Variants in RBPJ observed in about 807,000 individuals in gnomAD.
The protein encoded by RBPJ is recombination signal binding protein for immunoglobulin kappa J region, also known as recombining binding protein suppressor of hairless.
Under a neutral mutation model 67.8 loss-of-function variants are expected in RBPJ, and 9 were observed. The observed-to-expected ratio is 0.13, with a 90% CI of 0.08 to 0.23. RBPJ has a LOEUF of 0.23. RBPJ is among the 10% of genes least tolerant of loss of function. RBPJ has a pLI of 1.00. For missense variants in RBPJ, 305 were observed against 595.6 expected (o/e 0.51, Z 5.08); for synonymous variants, 198 against 203.3 (o/e 0.97, Z 0.22).
chr4:26,432,012 T>G lies in RBPJ; in HGVS notation c.*1005T>G, dbSNP rs1477744386. On this transcript the variant is annotated 3_prime_UTR_variant, in exon 11 of 11. Coordinates refer to ENST00000355476, the MANE Select transcript of RBPJ (RefSeq NM_015874.6). ...AGGTGTGTTCCAGGATTTGTTCAGG[T>G]TTTTCCCCCCTCCTAATCTTGTACA... is the stretch of plus-strand genomic sequence containing the variant. 1 of 152,176 alleles carries G rather than the reference T, an allele frequency of 6.6e-6. No homozygotes were observed. The highest frequency in any genetic ancestry group is 1.5e-5 in the Non-Finnish European group (1 of 68,024). 9.4% of individuals were successfully genotyped at this position (152,176 alleles called of 1,614,324 possible).
At position 26,433,796 on chromosome 4, in the gene RBPJ, T is replaced by C. The variant is rs1736441165; in HGVS notation, c.*2789T>C. 6.6e-6 allele frequency: 1 copy of C among 152,214 alleles called. No individual in the cohort carries two copies. The highest frequency in any genetic ancestry group is 1.5e-5 in the Non-Finnish European group (1 of 68,032). 9.4% of individuals were successfully genotyped at this position (152,214 alleles called of 1,614,324 possible). A position where few individuals can be genotyped will look rare whatever the true frequency, so the allele number is the denominator to read the frequency against. Reference sequence around the variant, plus strand: ...TGAATCATTTTCAGTATGTAATTTATAGGAACCTTGTCCTCTGGTTATAGT... The same window carrying C: ...TGAATCATTTTCAGTATGTAATTTACAGGAACCTTGTCCTCTGGTTATAGT... On this transcript the variant is annotated 3_prime_UTR_variant, in exon 11 of 11. Coordinates refer to ENST00000355476, the MANE Select transcript of RBPJ (RefSeq NM_015874.6).
intron 1 of RBPJ, among the ~76,000 whole-genome samples, chr4:26,168,859 A>G (rs9685473): frequency 0.96 from 145,391 of 151,722 alleles, 69,758 homozygotes; most frequent in Non-Finnish European, 0.99. Context: ...CCAGTTGATC[A>G]CATCGGCTCC....
chr4:26,369,097 A>G (rs990901462), intron 1 of RBPJ, among the ~76,000 whole-genome samples: 1 of 152,240 alleles, frequency 6.6e-6, no homozygotes, highest in Non-Finnish European at 1.5e-5. Context: ...ATATTAGCCA[A>G]ATGAATGAAC....
chr4:26,272,560 G>A, intron 1 of RBPJ: 2 of 386,100 alleles, frequency 5.2e-6, no homozygotes, highest in South Asian at 4.1e-5. Flanking sequence ...GACAGAGCAA[G>A]ACCCTGTCTA....
intron 1 of RBPJ, among the ~76,000 whole-genome samples, chr4:26,338,422 G>A (rs1378046395): frequency 6.6e-6 from 1 of 151,854 alleles, no homozygotes; most frequent in Non-Finnish European, 1.5e-5. Context: ...CCAAAGTGCT[G>A]GGATTACGGG....
the RBPJ span, among the ~76,000 whole-genome samples, chr4:26,109,452 CTCTCTCTCTATATATA>C: frequency 1.2e-4 from 3 of 24,210 alleles, no homozygotes; most frequent in African/African-American, 2.6e-4. Context: ...CTCTCTCTCT[CTCTCTCTCTATATATA>C]TATATATATA....
chr4:26,189,820 C>T (rs941562841), intron 1 of RBPJ, among the ~76,000 whole-genome samples: 27 of 152,266 alleles, frequency 1.8e-4, no homozygotes, highest in African/African-American at 6.0e-4. Flanking sequence ...TTGCTATGTT[C>T]ATTGAAGAGT....
rs141035015 is a variant in RBPJ at position 26,285,397 on chromosome 4, C to T, written c.-166-77049C>T. 4.5e-3 allele frequency among the ~76,000 whole-genome samples: 684 copies of T among 151,620 alleles called. 6 individuals carry two copies. Among genetic ancestry groups the T allele is most frequent in the African/African-American group, 0.016 (657 of 41,350 alleles). On this transcript the variant is annotated intron_variant, in intron 1 of 4. Transcript: ENST00000512351. ...AAACACAGCCGCTTCAAACAATAAACGCATATTATCTCTACCCCATTTCAT... is the reference window on the plus strand; with the variant it reads ...AAACACAGCCGCTTCAAACAATAAATGCATATTATCTCTACCCCATTTCAT...
chr4:26,115,500 T>A, the RBPJ span, among the ~76,000 whole-genome samples: 17 of 152,268 alleles, frequency 1.1e-4, no homozygotes, highest in African/African-American at 4.1e-4. Context: ...TTCTTCTGCC[T>A]CAGCCTCCCG....
chr4:26,116,002 A>G, the RBPJ span, among the ~76,000 whole-genome samples: 1 of 152,218 alleles, frequency 6.6e-6, no homozygotes, highest in Non-Finnish European at 1.5e-5. Flanking sequence ...AACAGGCACC[A>G]TGAATTGAAT....
In RBPJ at chr4:26,236,874, T is replaced by C. The variant is rs1028089810; in HGVS notation, c.-167+73260T>C. Among the ~76,000 whole-genome samples the C allele has an allele frequency of 6.6e-5, 10 of 152,200 alleles. 1 individual carries two copies. Among genetic ancestry groups the C allele is most frequent in the Non-Finnish European group, 1.3e-4 (9 of 68,026 alleles). On this transcript the variant is annotated intron_variant, in intron 1 of 4. Transcript: ENST00000512351. Reference sequence around the variant, plus strand: ...AGCTATTATTACAATGGCCCTAAAGTGCTCAATGCCTGCCTATACTAAGGC... The same window carrying C: ...AGCTATTATTACAATGGCCCTAAAGCGCTCAATGCCTGCCTATACTAAGGC...
the RBPJ span, among the ~76,000 whole-genome samples, chr4:26,157,108 C>CAAACAAACAAAAAAAAAAA: frequency 8.5e-6 from 1 of 117,810 alleles, no homozygotes; most frequent in South Asian, 2.6e-4. Flanking sequence ...CAAAAACAAA[C>CAAACAAACAAAAAAAAAAA]AAACAAACAA....
upstream of RBPJ, among the ~76,000 whole-genome samples, chr4:26,316,384 T>TAC (rs1201386183): frequency 6.8e-6 from 1 of 146,396 alleles, no homozygotes; most frequent in Non-Finnish European, 1.5e-5. Context: ...TTCATATATA[T>TAC]ACATTCATAT....
intron 1 of RBPJ, among the ~76,000 whole-genome samples, chr4:26,170,164 C>T (rs947275400): frequency 3.3e-5 from 5 of 152,124 alleles, no homozygotes; most frequent in Admixed American, 2.6e-4. Flanking sequence ...CCGTCTTCTG[C>T]GTCGCTCACA....
intron 1 of RBPJ, among the ~76,000 whole-genome samples, chr4:26,360,692 C>T (rs1166948086): frequency 6.6e-6 from 1 of 151,542 alleles, no homozygotes; most frequent in East Asian, 1.9e-4. Context: ...TTCCCAGGTC[C>T]TGCCTCAGCC....
chr4:26,189,923 C>T (rs1285751810), intron 1 of RBPJ, among the ~76,000 whole-genome samples: 2 of 152,172 alleles, frequency 1.3e-5, no homozygotes, highest in Non-Finnish European at 2.9e-5. Flanking sequence ...TTTTCTTAAA[C>T]ACACAAGTTC....
In RBPJ at chr4:26,210,809, T is replaced by TTCTTTCTTTCTTTCTC. The variant is rs1312665771; in HGVS notation, c.-167+47196_-167+47197insCTTTCTTTCTTTCTCT. The stretch of plus-strand genomic sequence containing the variant: ...TTTCTTTCTTTCTTTCTTTCTTTCT[T>TTCTTTCTTTCTTTCTC]TTCTCCTGTGTGTCTGGCTCTTTTA... On this transcript the variant is annotated intron_variant, in intron 1 of 4. Coordinates refer to the RBPJ transcript ENST00000512351. Among the ~76,000 whole-genome samples, 3 of 149,938 alleles carry TTCTTTCTTTCTTTCTC rather than the reference T, an allele frequency of 2.0e-5. No homozygotes were observed. The South Asian group carries it at 6.4e-4, about 32-fold the overall frequency.
chr4:26,288,791 C>T (rs1577392417), intron 1 of RBPJ, among the ~76,000 whole-genome samples: 1 of 152,284 alleles, frequency 6.6e-6, no homozygotes. Context: ...CACAACCCCC[C>T]AGTGGAACAA....
At chr4:26,128,335 T>A in the RBPJ span, among the ~76,000 whole-genome samples, 1 of 152,160 alleles carries the variant, frequency 6.6e-6, no homozygotes, top group African/African-American at 2.4e-5. Flanking sequence ...AATGTGACAA[T>A]GAATAACACC....
Sources: gnomAD v4.1 joint callset for allele counts (sites outside exome capture counted in the v4.1 genomes callset) on GRCh38, gnomAD v4.1.1 for gene constraint, MANE v1.5 for transcripts, NCBI Gene and HGNC (gene_info 2026-07-23, HGNC 2026-07-21) for gene names.